CASP9: variants seen among roughly 807,000 people sequenced by gnomAD.
CASP9 encodes caspase 9, also known as caspase-9.
In CASP9, 29 loss-of-function variants were observed where a neutral mutation model predicts 43.5. The observed-to-expected ratio is 0.67, with a 90% CI of 0.50 to 0.91. The LOEUF is 0.91. CASP9 is among the 40% of genes least tolerant of loss of function. CASP9 has a pLI of 0.00. For synonymous variants in CASP9, 206 were observed against 211.9 expected (o/e 0.97, Z 0.24); for missense variants, 575 against 537.4 (o/e 1.07, Z -0.69).
intron 6 of CASP9, among the ~76,000 whole-genome samples, chr1:15,503,308 C>T (rs4646064): frequency 0.032 from 4,827 of 152,172 alleles, 113 homozygotes; most frequent in Admixed American, 0.071. Flanking sequence ...GGAGGATCAC[C>T]TGAGCTTGGG....
chr1:15,492,851 G>C lies in CASP9; in HGVS notation c.*92C>G, dbSNP rs1232419367. The C allele has an allele frequency of 1.1e-5, 17 of 1,538,006 alleles. No homozygotes were observed. The highest frequency in any genetic ancestry group is 2.8e-5 in the African/African-American group (2 of 72,366). ...ACCCTGTGCCGGCTGCAAAGTCCTT[G>C]AGTTGCAGGAAAGTCCAGGCCTCAG... On this transcript the variant is annotated 3_prime_UTR_variant, in exon 9 of 9. Transcript: ENST00000333868.
intron 6 of CASP9, among the ~76,000 whole-genome samples, chr1:15,498,007 A>G (rs1424566353): frequency 6.6e-6 from 1 of 152,226 alleles, no homozygotes; most frequent in Non-Finnish European, 1.5e-5. Context: ...TGGTCAAATG[A>G]ATTTTGAAAA....
At chr1:15,512,419 C>T (rs983592884) in intron 2 of CASP9, among the ~76,000 whole-genome samples, 2 of 152,168 alleles carry the variant, frequency 1.3e-5, no homozygotes, top group Non-Finnish European at 2.9e-5. Context: ...CTGAATAGAA[C>T]GAAACAGTGG....
chr1:15,491,792 G>A lies in CASP9; in HGVS notation c.*1151C>T. On this transcript the variant is annotated 3_prime_UTR_variant, in exon 9 of 9. Coordinates refer to ENST00000333868, the MANE Select transcript of CASP9 (RefSeq NM_001229.5). ...AGGCCCAAAAAACAAGAAATAGGCT[G>A]GCATAAGGACAGCTTAAAAGACCTC... 1 of 172,946 alleles carries A rather than the reference G, an allele frequency of 5.8e-6. No individual in the cohort carries two copies. The highest frequency in any genetic ancestry group is 1.3e-5 in the Non-Finnish European group (1 of 79,930). 10.7% of individuals were successfully genotyped at this position (172,946 alleles called of 1,614,324 possible). A position where few individuals can be genotyped will look rare whatever the true frequency, so the allele number is the denominator to read the frequency against.
intron 2 of CASP9, among the ~76,000 whole-genome samples, chr1:15,512,755 A>G (rs1709806170): frequency 6.6e-6 from 1 of 152,198 alleles, no homozygotes; most frequent in Non-Finnish European, 1.5e-5. Flanking sequence ...TATATATAAA[A>G]CAGAGGCCCA....
intron 2 of CASP9, 91 bp downstream of exon 2, chr1:15,518,018 AT>A (rs1353936660): frequency 1.4e-6 from 2 of 1,401,082 alleles, no homozygotes; most frequent in Non-Finnish European, 9.9e-7. Context: ...CTAAAATTAA[AT>A]TCTGAATCTC....
intron 6 of CASP9, among the ~76,000 whole-genome samples, chr1:15,503,425 T>C (rs886212731): frequency 6.6e-6 from 1 of 152,186 alleles, no homozygotes; most frequent in African/African-American, 2.4e-5. Flanking sequence ...TCAAGTGTTC[T>C]CAATCACTTG....
At chr1:15,494,979 C>G (rs1709048773) in intron 7 of CASP9, among the ~76,000 whole-genome samples, 1 of 152,004 alleles carries the variant, frequency 6.6e-6, no homozygotes, top group Non-Finnish European at 1.5e-5. Context: ...CCATGGAAAC[C>G]CCTGAGGCAC....
intron 1 of CASP9, among the ~76,000 whole-genome samples, chr1:15,521,957 G>A (rs1166268494): frequency 6.6e-6 from 1 of 152,132 alleles, no homozygotes; most frequent in Non-Finnish European, 1.5e-5. Context: ...GAACAGCACA[G>A]ACCTACAGTG....
Position 15,497,387 on chromosome 1 carries a change from G to A in CASP9, c.869-1935C>T, listed in dbSNP as rs530257050. On this transcript the variant is annotated intron_variant, in intron 6 of 8. Transcript: ENST00000333868. ...AGGCCAGGCACAGTGGCTCACGCCTGTAATCCCAGCACTTTGGGAGACCGA... is the reference window on the plus strand; with the variant it reads ...AGGCCAGGCACAGTGGCTCACGCCTATAATCCCAGCACTTTGGGAGACCGA... 8.6e-5 allele frequency among the ~76,000 whole-genome samples: 13 copies of A among 151,864 alleles called. No individual in the cohort carries two copies. In the East Asian group the frequency reaches 2.3e-3, roughly 27 times the overall value.
intron 2 of CASP9, among the ~76,000 whole-genome samples, chr1:15,515,085 T>C (rs1260152268): frequency 6.6e-6 from 1 of 152,206 alleles, no homozygotes; most frequent in African/African-American, 2.4e-5. Flanking sequence ...ATTAAGCTCC[T>C]ACTAGGAATA....
At chr1:15,509,413 G>A (rs949251611) in intron 2 of CASP9, among the ~76,000 whole-genome samples, 17 of 146,722 alleles carry the variant, frequency 1.2e-4, no homozygotes, top group African/African-American at 4.1e-4. Flanking sequence ...TCAGGAGTTC[G>A]AGACTAGCCT....
At chr1:15,494,500 G>A (rs901828212) in intron 7 of CASP9, among the ~76,000 whole-genome samples, 5 of 151,088 alleles carry the variant, frequency 3.3e-5, no homozygotes, top group African/African-American at 1.2e-4. Context: ...GGGAGGTGGA[G>A]GTTGCAGTGA....
At chr1:15,502,745 G>A in intron 6 of CASP9, among the ~76,000 whole-genome samples, 1 of 152,238 alleles carries the variant, frequency 6.6e-6, no homozygotes, top group East Asian at 1.9e-4. Context: ...TAACTGTCCA[G>A]AAAGTAGGTA....
chr1:15,508,358 G>A (rs1446487196), intron 2 of CASP9, among the ~76,000 whole-genome samples: 5 of 152,096 alleles, frequency 3.3e-5, no homozygotes, highest in Admixed American at 6.6e-5. Context: ...AACAGTCCTC[G>A]GCAGAATTTC....
rs1223080924 is a variant in CASP9 at position 15,495,398 on chromosome 1, G to A, written c.923C>T (p.Pro308Leu). 6.2e-7 allele frequency: 1 copy of A among 1,608,292 alleles called. No individual in the cohort carries two copies. The highest frequency in any genetic ancestry group is 1.1e-5 in the South Asian group (1 of 89,780). Residue 308 changes from proline to leucine, a missense_variant, in exon 7 of 9, where the codon CCT becomes CTT. Physicochemically the swap from Pro to Leu is moderately conservative, Grantham distance 98. Coordinates refer to ENST00000333868, the MANE Select transcript of CASP9 (RefSeq NM_001229.5). ...VASTSPEDESPGSNPEPDATP... is the reference protein window; with the variant it reads ...VASTSPEDESLGSNPEPDATP... ...GGCATCTGGCTCGGGGTTACTGCCAGGGGACTCGTCTTCAGGGGAAGTGGA... is the reference window on the plus strand; with the variant it reads ...GGCATCTGGCTCGGGGTTACTGCCAAGGGACTCGTCTTCAGGGGAAGTGGA...
chr1:15,510,807 C>T (rs1570856674), intron 2 of CASP9, among the ~76,000 whole-genome samples: 1 of 152,154 alleles, frequency 6.6e-6, no homozygotes, highest in African/African-American at 2.4e-5. Flanking sequence ...CCCATGGGGA[C>T]AATAAACACA....
chr1:15,491,848 G>A lies in CASP9; in HGVS notation c.*1095C>T. The stretch of plus-strand genomic sequence containing the variant: ...GGAGCCTTGTGGGGAAGCCCAGCGT[G>A]TCACTATTGCACAGCACGTTCACAC... On this transcript the variant is annotated 3_prime_UTR_variant, in exon 9 of 9. Coordinates refer to ENST00000333868, the MANE Select transcript of CASP9 (RefSeq NM_001229.5). The A allele has an allele frequency of 6.2e-6, 1 of 160,682 alleles. No individual in the cohort carries two copies. The highest frequency in any genetic ancestry group is 1.7e-4 in the South Asian group (1 of 5,866). 10.0% of individuals were successfully genotyped at this position (160,682 alleles called of 1,614,324 possible). A position where few individuals can be genotyped will look rare whatever the true frequency, so the allele number is the denominator to read the frequency against.
intron 2 of CASP9, among the ~76,000 whole-genome samples, chr1:15,513,177 A>C (rs1171326701): frequency 6.6e-6 from 1 of 150,674 alleles, no homozygotes; most frequent in Non-Finnish European, 1.5e-5. Flanking sequence ...AAAAAAAAAA[A>C]CGAACGGCTC....
Sources: allele counts gnomAD v4.1 joint callset (sites outside exome capture counted in the v4.1 genomes callset), GRCh38; gene constraint gnomAD v4.1.1; transcripts MANE v1.5; gene names NCBI Gene and HGNC (gene_info 2026-07-23, HGNC 2026-07-21).